Variants in HEMGN observed in about 807,000 individuals in gnomAD.
The protein encoded by HEMGN is erythroid differentiation-associated gene protein.
HEMGN carries 32 observed loss-of-function variants against 45.7 expected under a neutral mutation model. The observed-to-expected ratio is 0.70, with a 90% CI of 0.53 to 0.94. The LOEUF is 0.94. Among genes scored for constraint, HEMGN ranks in the 40% least tolerant of loss-of-function variants. The pLI, the probability that HEMGN is intolerant of heterozygous loss-of-function variation, is 0.00. For synonymous variants in HEMGN, 183 were observed against 178.6 expected, an observed-to-expected ratio of 1.02 and a Z score of -0.20; for missense variants, 530 against 564.2, an observed-to-expected ratio of 0.94 and a Z score of 0.61.
Position 97,933,089 on chromosome 9 carries a change from G to C in HEMGN, c.174-1868C>G, listed in dbSNP as rs551375402. 5.9e-5 allele frequency among the ~76,000 whole-genome samples: 9 copies of C among 152,162 alleles called. No individual in the cohort carries two copies. In the South Asian group the frequency reaches 1.9e-3, roughly 32 times the overall value. On this transcript the variant is annotated intron_variant, in intron 2 of 3. Transcript: ENST00000616898. ...CAAAAAATGCAAAAAATACCTATGT[G>C]GCCTAAACTTTAGTCTGTACTCTCT... is the stretch of plus-strand genomic sequence containing the variant.
chr9:97,938,053 A>G lies in HEMGN; in HGVS notation c.79+5T>C, dbSNP rs762472707. The G allele has an allele frequency of 2.5e-6, 4 of 1,590,604 alleles. No individual in the cohort carries two copies. Among genetic ancestry groups the G allele is most frequent in the South Asian group, 2.2e-5 (2 of 89,570 alleles). On this transcript the variant is annotated splice_donor_5th_base_variant and intron_variant, in intron 1 of 3. Coordinates refer to ENST00000616898, the MANE Select transcript of HEMGN (RefSeq NM_197978.3). ...GCCACCAGCTCTTAAGGTATTTTTCATTACCTGGAGAATGGTTCTCTTCTT... is the reference window on the plus strand; with the variant it reads ...GCCACCAGCTCTTAAGGTATTTTTCGTTACCTGGAGAATGGTTCTCTTCTT...
rs1234369249 is a variant in HEMGN, at chr9:97,927,397, T to G, written c.1442A>C (p.Tyr481Ser). ...GGTTGAGCATTGTTAAAACAAAACA[T>G]AACTATAGACATCATTTTCTGGATG... ...ESHPENDVYS[Y>S]VLF The change falls in exon 4 of 4, where the codon TAT (tyrosine) becomes TCT (serine). Residue 481 changes from tyrosine (Y) to serine (S), a missense_variant. Coordinates refer to ENST00000616898, the MANE Select transcript of HEMGN (RefSeq NM_197978.3). 1 of 1,597,240 alleles carries G rather than the reference T, an allele frequency of 6.3e-7. No individual in the cohort carries two copies. The highest frequency in any genetic ancestry group is 1.3e-5 in the African/African-American group (1 of 74,668).
chr9:97,940,520 C>T (rs1487139283), upstream of HEMGN, among the ~76,000 whole-genome samples: 3 of 151,922 alleles, frequency 2.0e-5, no homozygotes, highest in African/African-American at 7.3e-5. Flanking sequence ...ATAAACAGGC[C>T]AGAGTGGGAA....
At position 97,930,753 on chromosome 9, in the gene HEMGN, A is replaced by G. The variant is rs1324212827; in HGVS notation, c.642T>C (p.His214=). The change falls in exon 3 of 4, where the codon CAT becomes CAC. Residue 214 remains histidine (H), a synonymous_variant. Coordinates refer to ENST00000616898, the MANE Select transcript of HEMGN (RefSeq NM_197978.3). ...CCATATCTTGGTACATTTTGAAAGGATGGTCTTGAATTACAGATATTACTT... is the reference window on the plus strand; with the variant it reads ...CCATATCTTGGTACATTTTGAAAGGGTGGTCTTGAATTACAGATATTACTT... The part of the protein sequence containing the change: ...TCQVISVIQD[H]PFKMYQDMAK... 2.5e-6 allele frequency: 4 copies of G among 1,613,996 alleles called. No individual in the cohort carries two copies. Among genetic ancestry groups the G allele is most frequent in the Admixed American group, 3.3e-5 (2 of 60,002 alleles).
At chr9:97,943,430 CCT>C (rs916543676) in intron 1 of HEMGN, among the ~76,000 whole-genome samples, 4 of 152,104 alleles carry the variant, frequency 2.6e-5, no homozygotes, top group African/African-American at 9.7e-5. Flanking sequence ...TTCTTGTTCC[CCT>C]CTCTCTCAGT....
rs189280431 is a variant in HEMGN at position 97,943,354 on chromosome 9, C to G, written c.-56+1414G>C. 2.0e-5 allele frequency among the ~76,000 whole-genome samples: 3 copies of G among 151,884 alleles called. No homozygotes were observed. In the East Asian group the frequency reaches 5.8e-4, roughly 29 times the overall value. ...TCCTTGCTGACATACTTTTTCAAAGCTTTTAAATACTTTTCAAAGACTGGA... is the reference window on the plus strand; with the variant it reads ...TCCTTGCTGACATACTTTTTCAAAGGTTTTAAATACTTTTCAAAGACTGGA... On this transcript the variant is annotated intron_variant, in intron 1 of 4. Transcript: ENST00000259456.
intron 2 of HEMGN, 58 bp downstream of exon 2, chr9:97,936,113 T>G (rs2131556284): frequency 9.1e-7 from 1 of 1,104,354 alleles, no homozygotes; most frequent in Non-Finnish European, 1.4e-6. Context: ...AGCACTACTT[T>G]ATGCATAACA....
At chr9:97,929,788 C>T (rs916755519) in intron 3 of HEMGN, among the ~76,000 whole-genome samples, 12 of 152,218 alleles carry the variant, frequency 7.9e-5, no homozygotes, top group Non-Finnish European at 1.5e-5. Context: ...CTGACTATAG[C>T]ATCTCATAAT....
At position 97,927,411 on chromosome 9, in the gene HEMGN, A is replaced by G. The variant is rs1059003; in HGVS notation, c.1428T>C (p.Asn476=). 0.1 allele frequency: 160,472 copies of G among 1,605,066 alleles called. 9,034 individuals are homozygous for G. Among genetic ancestry groups the G allele is most frequent in the Middle Eastern group, 0.17 (998 of 6,020 alleles). ...AAAACAAAACATAACTATAGACATC[A>G]TTTTCTGGATGACTCTCATTCAGAA... ...PAILNESHPE[N]DVYSYVLF The change falls in exon 4 of 4, where the codon AAT becomes AAC. Residue 476 remains asparagine, a synonymous_variant. Coordinates refer to ENST00000616898, the MANE Select transcript of HEMGN (RefSeq NM_197978.3).
intron 2 of HEMGN, 66 bp from the exon 3 acceptor site, chr9:97,931,287 C>T (rs1334800824): frequency 3.2e-6 from 4 of 1,242,614 alleles, no homozygotes; most frequent in Non-Finnish European, 4.5e-6. Context: ...CTTGTAATAA[C>T]AGTGCCAGGT....
In HEMGN at chr9:97,936,164, A is replaced by G. The variant is rs1827054265; in HGVS notation, c.173+7T>C. On this transcript the variant is annotated splice_region_variant and intron_variant, in intron 2 of 3. Coordinates refer to ENST00000616898, the MANE Select transcript of HEMGN (RefSeq NM_197978.3). ...TTAGTTCCCTTTCCCTTGTGATGCT[A>G]CCATACCCAAATAGCCATTGTGATG... 1 of 1,589,464 alleles carries G rather than the reference A, an allele frequency of 6.3e-7. No individual in the cohort carries two copies. Among genetic ancestry groups the G allele is most frequent in the African/African-American group, 1.3e-5 (1 of 74,534 alleles).
At chr9:97,931,746 A>G (rs1035711642) in intron 2 of HEMGN, among the ~76,000 whole-genome samples, 1 of 152,136 alleles carries the variant, frequency 6.6e-6, no homozygotes, top group African/African-American at 2.4e-5. Context: ...TTTTGTGTAA[A>G]GAATTCTAAG....
At chr9:97,942,110 T>C (rs997551629), upstream of HEMGN, among the ~76,000 whole-genome samples, 26 of 152,308 alleles carry the variant, frequency 1.7e-4, 1 homozygote, top group Admixed American at 1.7e-3. Context: ...AAGTGTTTCA[T>C]TGGATCCTTG....
intron 2 of HEMGN, 136 bp from the exon 3 acceptor site, chr9:97,931,357 A>T: frequency 1.6e-6 from 1 of 633,718 alleles, no homozygotes; most frequent in Non-Finnish European, 2.7e-6. Flanking sequence ...CTGGGCCTCA[A>T]TCTCCTTGTT....
intron 2 of HEMGN, among the ~76,000 whole-genome samples, chr9:97,934,274 G>A (rs1055953733): frequency 2.0e-5 from 3 of 152,092 alleles, no homozygotes; most frequent in Non-Finnish European, 2.9e-5. Context: ...TTGAACCTGG[G>A]AGGCAGAGGT....
In HEMGN at chr9:97,927,424, C is replaced by G; in HGVS notation, c.1415G>C (p.Ser472Thr). The change falls in exon 4 of 4, where the codon AGT (serine) becomes ACT (threonine). Residue 472 changes from serine to threonine, a missense_variant. Physicochemically the swap from Ser to Thr is moderately conservative, Grantham distance 58. Transcript: ENST00000616898. ...ACTATAGACATCATTTTCTGGATGA[C>G]TCTCATTCAGAATTGCTGGTATTCC... ...EPGIPAILNE[S>T]HPENDVYSYV... 6.2e-7 allele frequency: 1 copy of G among 1,609,698 alleles called. No homozygotes were observed. The highest frequency in any genetic ancestry group is 2.2e-5 in the East Asian group (1 of 44,748).
chr9:97,936,657 A>G (rs1355368831), intron 1 of HEMGN, among the ~76,000 whole-genome samples: 1 of 152,220 alleles, frequency 6.6e-6, no homozygotes, highest in Non-Finnish European at 1.5e-5. Flanking sequence ...TAAGAATAGC[A>G]TACCACAATT....
rs375380681 is a variant in HEMGN, at chr9:97,930,302, T to A, written c.1093A>T (p.Lys365Ter). Residue 365 changes from lysine (K) to a stop codon, truncating the protein, a stop_gained, in exon 3 of 4, where the codon AAA (lysine) becomes TAA (stop). Transcript: ENST00000616898. LOFTEE classifies it high-confidence loss of function. ...TCTTGATACGTTTCAGGTGAATATT[T>A]TTCAGACCCAGGAGTTTCTTGGTTT... is the stretch of plus-strand genomic sequence containing the variant. ...EINQETPGSE[K>*]YSPETYQEIP... is the part of the protein sequence containing the mutation. The A allele has an allele frequency of 1.9e-6, 3 of 1,613,986 alleles. No homozygotes were observed. Among genetic ancestry groups the A allele is most frequent in the African/African-American group, 1.3e-5 (1 of 74,908 alleles).
intron 2 of HEMGN, among the ~76,000 whole-genome samples, chr9:97,933,397 A>G (rs1432816584): frequency 6.6e-6 from 1 of 152,174 alleles, no homozygotes; most frequent in Admixed American, 6.5e-5. Context: ...TCATTTTGCA[A>G]ATGACAAAAC....
Sources: gnomAD v4.1 joint callset for allele counts (sites outside exome capture counted in the v4.1 genomes callset) on GRCh38, gnomAD v4.1.1 for gene constraint, MANE v1.5 for transcripts, NCBI Gene and HGNC (gene_info 2026-07-23, HGNC 2026-07-21) for gene names.